ROBO1: variants seen among roughly 807,000 people sequenced by gnomAD.
ROBO1 encodes the protein roundabout homolog 1.
In ROBO1, 149 loss-of-function variants were observed where a neutral mutation model predicts 195.9. The ratio of observed to expected loss-of-function variants is 0.76; its 90% CI spans 0.67 to 0.87. ROBO1 has a LOEUF of 0.87. ROBO1 is among the 40% of genes least tolerant of loss of function. The probability of loss-of-function intolerance (pLI) is 0.00; values close to 1 mark genes in which losing one functional copy is unlikely to be tolerated. For missense variants in ROBO1, 1,933 were observed against 2,068.3 expected, an observed-to-expected ratio of 0.93 and a Z score of 1.27; for synonymous variants, 816 against 733.2, an observed-to-expected ratio of 1.11 and a Z score of -1.82.
At chr3:79,693,958 G>A (rs1947369553) in intron 1 of ROBO1, among the ~76,000 whole-genome samples, 1 of 151,368 alleles carries the variant, frequency 6.6e-6, no homozygotes, top group Admixed American at 6.6e-5. Context: ...TCTTTTCCAA[G>A]TCTAAGTTTT....
intron 1 of ROBO1, among the ~76,000 whole-genome samples, chr3:79,742,993 G>T (rs17017101): frequency 0.024 from 3,706 of 152,254 alleles, 145 homozygotes; most frequent in African/African-American, 0.085. Flanking sequence ...TTAGCCCATT[G>T]TGCTTTTCTG....
chr3:78,968,497 C>T (rs746401403), intron 3 of ROBO1, among the ~76,000 whole-genome samples: 3 of 151,594 alleles, frequency 2.0e-5, no homozygotes, highest in Non-Finnish European at 4.4e-5. Flanking sequence ...AGGCTGGTCT[C>T]GAACTCCTGA....
intron 4 of ROBO1, among the ~76,000 whole-genome samples, chr3:78,818,160 C>T (rs1047819157): frequency 9.9e-5 from 15 of 152,076 alleles, no homozygotes; most frequent in African/African-American, 3.6e-4. Flanking sequence ...TCTAGTTAAC[C>T]AGCAGTAGAG....
intron 1 of ROBO1, among the ~76,000 whole-genome samples, chr3:79,599,810 T>A (rs1161207660): frequency 6.6e-6 from 1 of 151,982 alleles, no homozygotes; most frequent in Non-Finnish European, 1.5e-5. Flanking sequence ...AATATTGCAT[T>A]CCTATATTAG....
chr3:79,116,445 T>A (rs945608075), intron 3 of ROBO1, among the ~76,000 whole-genome samples: 4 of 150,496 alleles, frequency 2.7e-5, no homozygotes, highest in African/African-American at 9.7e-5. Flanking sequence ...TCCTTTCCTT[T>A]CCCTTTCCCT....
chr3:79,215,774 C>A (rs2082045846), intron 2 of ROBO1, among the ~76,000 whole-genome samples: 1 of 152,140 alleles, frequency 6.6e-6, no homozygotes, highest in Admixed American at 6.6e-5. Flanking sequence ...AATATTTTCC[C>A]CCTTAAAGGG....
At chr3:79,659,634 T>C (rs1216965464) in intron 1 of ROBO1, among the ~76,000 whole-genome samples, 1 of 151,918 alleles carries the variant, frequency 6.6e-6, no homozygotes, top group Non-Finnish European at 1.5e-5. Flanking sequence ...CAATATTTTT[T>C]GGTTTTATAG....
intron 2 of ROBO1, among the ~76,000 whole-genome samples, chr3:79,498,181 T>C (rs1173758500): frequency 6.6e-6 from 1 of 152,236 alleles, no homozygotes; most frequent in Admixed American, 6.5e-5. Flanking sequence ...AGCATTTTTG[T>C]CATCTTTTGA....
At chr3:79,543,034 A>T (rs1160832502) in intron 2 of ROBO1, among the ~76,000 whole-genome samples, 3 of 152,072 alleles carry the variant, frequency 2.0e-5, no homozygotes, top group Non-Finnish European at 2.9e-5. Context: ...TTTTAATATT[A>T]TTTGATTAAA....
At chr3:79,297,717 T>C (rs1161656848) in intron 2 of ROBO1, among the ~76,000 whole-genome samples, 3 of 152,184 alleles carry the variant, frequency 2.0e-5, no homozygotes, top group African/African-American at 7.2e-5. Flanking sequence ...CTAAATATTC[T>C]GACATATTTC....
At chr3:79,173,641 G>T (rs534951170) in intron 2 of ROBO1, among the ~76,000 whole-genome samples, 1 of 152,050 alleles carries the variant, frequency 6.6e-6, no homozygotes, top group Admixed American at 6.5e-5. Flanking sequence ...CGAGCCTCCC[G>T]GATGAGCACG....
At chr3:79,735,984 A>G (rs796066737) in intron 1 of ROBO1, among the ~76,000 whole-genome samples, 7 of 152,194 alleles carry the variant, frequency 4.6e-5, no homozygotes, top group African/African-American at 1.7e-4. Context: ...ATAAACAATA[A>G]GAAGTTAAAA....
chr3:79,031,280 G>A lies in ROBO1; in HGVS notation c.173-92353C>T, dbSNP rs552967095. 2.8e-4 allele frequency among the ~76,000 whole-genome samples: 42 copies of A among 152,180 alleles called. No individual in the cohort carries two copies. In the South Asian group the frequency reaches 8.1e-3, roughly 29 times the overall value. ...TACAGTAAATATAGTCTATTGATAT[G>A]TTTCAGTGTCTTGTTAGTCATTATT... On this transcript the variant is annotated intron_variant, in intron 3 of 30. Transcript: ENST00000464233.
rs375440416 is a variant in ROBO1 at position 78,670,947 on chromosome 3, C to G, written c.1343-646G>C. 9.9e-5 allele frequency among the ~76,000 whole-genome samples: 15 copies of G among 152,230 alleles called. No homozygotes were observed. In the East Asian group the frequency reaches 2.1e-3, roughly 22 times the overall value. Reference sequence around the variant, plus strand: ...AAGAAATTGGAAAATTGCCCAAATACATTGTTGTTTGGCTGATCCAAAGAG... The same window carrying G: ...AAGAAATTGGAAAATTGCCCAAATAGATTGTTGTTTGGCTGATCCAAAGAG... On this transcript the variant is annotated intron_variant, in intron 10 of 30. Transcript: ENST00000464233.
intron 3 of ROBO1, among the ~76,000 whole-genome samples, chr3:78,946,123 C>T (rs1341903993): frequency 1.3e-5 from 2 of 152,084 alleles, no homozygotes; most frequent in East Asian, 3.8e-4. Context: ...GAAGGACTTC[C>T]CCAATCTAGC....
At chr3:79,699,155 C>A (rs150547905) in intron 1 of ROBO1, among the ~76,000 whole-genome samples, 2 of 150,710 alleles carry the variant, frequency 1.3e-5, no homozygotes, top group African/African-American at 4.9e-5. Context: ...AAAAACAGTA[C>A]GTTTGAGTGA....
intron 22 of ROBO1, among the ~76,000 whole-genome samples, chr3:78,636,628 G>C (rs1175073834): frequency 6.6e-6 from 1 of 151,626 alleles, no homozygotes; most frequent in Non-Finnish European, 1.5e-5. Flanking sequence ...TGGGAACAGG[G>C]GTAAAATGAT....
chr3:78,698,614 G>A (rs376764000), intron 8 of ROBO1, among the ~76,000 whole-genome samples: 19 of 152,086 alleles, frequency 1.2e-4, no homozygotes, highest in African/African-American at 4.3e-4. Context: ...AGTGGACAGA[G>A]GCCAATGATA....
At chr3:79,725,441 T>C (rs190157787) in intron 1 of ROBO1, among the ~76,000 whole-genome samples, 2,202 of 151,936 alleles carry the variant, frequency 0.014, 47 homozygotes, top group African/African-American at 0.049. Context: ...TTAGCCAGGA[T>C]GGTCTCGATC....
Sources: allele counts gnomAD v4.1 joint callset (sites outside exome capture counted in the v4.1 genomes callset), GRCh38; gene constraint gnomAD v4.1.1; transcripts MANE v1.5; gene names NCBI Gene and HGNC (gene_info 2026-07-23, HGNC 2026-07-21).